Variants in PAPPA observed in about 807,000 individuals in gnomAD.
The protein encoded by PAPPA is pappalysin-1.
A neutral mutation model predicts 164.0 loss-of-function variants in PAPPA; 60 were observed. The observed-to-expected ratio is 0.37, with a 90% CI of 0.30 to 0.45. The LOEUF is 0.45. Ranked by LOEUF, PAPPA falls within the 20% of genes least tolerant of loss-of-function variation. PAPPA has a pLI of 1.00. For missense variants in PAPPA, 1,782 were observed against 2,087.3 expected, an observed-to-expected ratio of 0.85 and a Z score of 2.85; for synonymous variants, 875 against 814.1, an observed-to-expected ratio of 1.07 and a Z score of -1.27.
chr9:116,264,399 C>T (rs1845041370), intron 7 of PAPPA, among the ~76,000 whole-genome samples: 2 of 152,242 alleles, frequency 1.3e-5, no homozygotes, highest in Non-Finnish European at 1.5e-5. Context: ...GGTCTACCCA[C>T]AATATTAGCA....
rs1182654620 is a variant in PAPPA at position 116,302,955 on chromosome 9, G to T, written c.3147+5G>T. 6 of 1,612,254 alleles carry T rather than the reference G, an allele frequency of 3.7e-6. No homozygotes were observed. Among genetic ancestry groups the T allele is most frequent in the East Asian group, 2.2e-5 (1 of 44,834 alleles). ...GGACAGCCAGCAGCATCCCAGGTAA[G>T]ATCCTAACCATGTGTGGCATTTCCT... On this transcript the variant is annotated splice_donor_5th_base_variant and intron_variant, in intron 10 of 21. Coordinates refer to ENST00000328252, the MANE Select transcript of PAPPA (RefSeq NM_002581.5).
At chr9:116,342,151 G>A (rs959365499) in intron 13 of PAPPA, among the ~76,000 whole-genome samples, 1 of 152,186 alleles carries the variant, frequency 6.6e-6, no homozygotes, top group Non-Finnish European at 1.5e-5. Context: ...AAACTGTTAG[G>A]CACAGGTCAG....
chr9:116,362,857 A>AT, intron 18 of PAPPA, 118 bp downstream of exon 18: 1 of 925,390 alleles, frequency 1.1e-6, no homozygotes, highest in Non-Finnish European at 1.6e-6. Context: ...TAGGCACTAC[A>AT]GAAAGAGAGA....
chr9:116,219,587 T>C (rs1844417071), intron 4 of PAPPA, among the ~76,000 whole-genome samples: 1 of 152,030 alleles, frequency 6.6e-6, no homozygotes, highest in African/African-American at 2.4e-5. Flanking sequence ...ATGGAATTGT[T>C]GACTTAGTGC....
At chr9:116,382,283 T>C (rs981154055) in intron 20 of PAPPA, 112 bp from the exon 21 acceptor site, 15 of 714,878 alleles carry the variant, frequency 2.1e-5, no homozygotes, top group Non-Finnish European at 3.6e-5. Flanking sequence ...GGCCAGCTAA[T>C]CGTGGAAGGC....
intron 7 of PAPPA, among the ~76,000 whole-genome samples, chr9:116,253,953 A>G (rs895957127): frequency 2.6e-5 from 4 of 152,086 alleles, no homozygotes; most frequent in African/African-American, 7.2e-5. Flanking sequence ...CTCATTATCT[A>G]TACTGCTACC....
intron 2 of PAPPA, among the ~76,000 whole-genome samples, chr9:116,206,563 C>T (rs1017336077): frequency 6.6e-6 from 1 of 152,158 alleles, no homozygotes; most frequent in Non-Finnish European, 1.5e-5. Flanking sequence ...CTACTGAGGG[C>T]TCACCAGGTA....
chr9:116,340,122 GTCT>G (rs1241254816), intron 13 of PAPPA, among the ~76,000 whole-genome samples: 2 of 152,166 alleles, frequency 1.3e-5, no homozygotes, highest in African/African-American at 2.4e-5. Context: ...TCAAAGAAGT[GTCT>G]TCATTTTTTT....
chr9:116,299,625 G>T (rs1219761595), intron 9 of PAPPA, among the ~76,000 whole-genome samples: 1 of 152,146 alleles, frequency 6.6e-6, no homozygotes, highest in Non-Finnish European at 1.5e-5. Flanking sequence ...GCACCCCTAT[G>T]ATCTTATTTC....
Position 116,347,253 on chromosome 9 carries a change from G to T in PAPPA, c.3964+44G>T. The T allele has an allele frequency of 6.5e-7, 1 of 1,541,302 alleles. No homozygotes were observed. The highest frequency in any genetic ancestry group is 8.8e-7 in the Non-Finnish European group (1 of 1,136,388). ...CCAGCTCAGCCTTCCTTTGTCTATG[G>T]GAAACCTAGAAGCTGCATCCAGGCC... is the stretch of plus-strand genomic sequence containing the variant. On this transcript the variant is annotated intron_variant, in intron 15 of 21. Coordinates refer to ENST00000328252, the MANE Select transcript of PAPPA (RefSeq NM_002581.5). The surrounding 1 kb of genome is among the most constrained non-coding windows in gnomAD (Gnocchi z 4.5).
intron 7 of PAPPA, among the ~76,000 whole-genome samples, chr9:116,256,271 C>T (rs1844926663): frequency 6.6e-6 from 1 of 151,588 alleles, no homozygotes; most frequent in Non-Finnish European, 1.5e-5. Flanking sequence ...AAACAGAATG[C>T]AATAACAACA....
chr9:116,183,496 A>G (rs1587941884), intron 1 of PAPPA, among the ~76,000 whole-genome samples: 1 of 152,164 alleles, frequency 6.6e-6, no homozygotes, highest in East Asian at 1.9e-4. Context: ...TCTGGTGCCA[A>G]ACTTCTGGTT....
intron 2 of PAPPA, among the ~76,000 whole-genome samples, chr9:116,199,163 G>C (rs1329263253): frequency 1.3e-5 from 2 of 152,080 alleles, no homozygotes; most frequent in Non-Finnish European, 2.9e-5. Flanking sequence ...CAAATTCTCA[G>C]GATTCTCCAC....
chr9:116,316,833 C>G (rs552393277), intron 10 of PAPPA, among the ~76,000 whole-genome samples: 1 of 152,180 alleles, frequency 6.6e-6, no homozygotes, highest in Non-Finnish European at 1.5e-5. Flanking sequence ...TCGAGGCAAC[C>G]TAGACAAGAG....
At chr9:116,191,375 G>C (rs994842321) in intron 2 of PAPPA, among the ~76,000 whole-genome samples, 1 of 152,184 alleles carries the variant, frequency 6.6e-6, no homozygotes, top group African/African-American at 2.4e-5. Flanking sequence ...TGGAGACGGT[G>C]GCCTTGTGGT....
intron 17 of PAPPA, among the ~76,000 whole-genome samples, chr9:116,355,072 C>T (rs1846335317): frequency 6.6e-6 from 1 of 152,220 alleles, no homozygotes; most frequent in African/African-American, 2.4e-5. Flanking sequence ...CACTGCCGGG[C>T]TCCGTGCCCC....
chr9:116,339,466 C>T (rs1295285740), intron 13 of PAPPA, among the ~76,000 whole-genome samples: 1 of 152,128 alleles, frequency 6.6e-6, no homozygotes, highest in Admixed American at 6.5e-5. Flanking sequence ...CCTAGAAATC[C>T]AGGGTAAAGA....
At chr9:116,228,385 A>G (rs1342254001) in intron 6 of PAPPA, among the ~76,000 whole-genome samples, 1 of 152,088 alleles carries the variant, frequency 6.6e-6, no homozygotes, top group East Asian at 1.9e-4. Context: ...GCCAGCAGTC[A>G]CTGGGTGAGG....
intron 1 of PAPPA, among the ~76,000 whole-genome samples, chr9:116,155,456 A>T (rs903840297): frequency 3.9e-5 from 6 of 152,178 alleles, no homozygotes; most frequent in Non-Finnish European, 7.3e-5. Flanking sequence ...AATGCCTTTA[A>T]TAAAACTGGG....
Sources: gnomAD v4.1 joint callset for allele counts (sites outside exome capture counted in the v4.1 genomes callset) on GRCh38, gnomAD v4.1.1 for gene constraint, Gnocchi (gnomAD v3.1) non-coding constraint, MANE v1.5 for transcripts, NCBI Gene and HGNC (gene_info 2026-07-23, HGNC 2026-07-21) for gene names.